The following GPM6A variants were observed in gnomAD, a reference collection of about 807,000 sequenced individuals.
GPM6A encodes the protein glycoprotein M6A.
Under a neutral mutation model 32.1 loss-of-function variants are expected in GPM6A, and 7 were observed. The ratio of observed to expected loss-of-function variants is 0.22; its 90% CI spans 0.12 to 0.41. The LOEUF is 0.41. Among genes scored for constraint, GPM6A ranks in the 10% least tolerant of loss-of-function variants. The pLI, the probability that GPM6A is intolerant of heterozygous loss-of-function variation, is 1.00. For missense variants in GPM6A, 235 were observed against 347.2 expected, an observed-to-expected ratio of 0.68 and a Z score of 2.57; for synonymous variants, 130 against 123.4, an observed-to-expected ratio of 1.05 and a Z score of -0.35.
Position 175,990,547 on chromosome 4 carries a change from G to C in GPM6A, c.-23+11762C>G, listed in dbSNP as rs79328866. ...GTCATTATGTGCAGAGCAAGGGTGG[G>C]CATGGGATAGACCCTTCAGTAGACC... On this transcript the variant is annotated intron_variant, in intron 1 of 7. Transcript: ENST00000280187. Among the ~76,000 whole-genome samples the C allele has an allele frequency of 8.3e-3, 1,266 of 152,168 alleles. 10 individuals carry two copies. Among genetic ancestry groups the C allele is most frequent in the African/African-American group, 0.029 (1,195 of 41,526 alleles).
chr4:175,968,033 A>T (rs1283175836), intron 1 of GPM6A, among the ~76,000 whole-genome samples: 2 of 152,206 alleles, frequency 1.3e-5, no homozygotes, highest in East Asian at 3.8e-4. Context: ...CCACAAAGTT[A>T]TAGCAATCAA....
At chr4:175,962,200 A>G in intron 1 of GPM6A, 1 of 1,227,888 alleles carries the variant, frequency 8.1e-7, no homozygotes, top group Non-Finnish European at 1.2e-6. Context: ...CCCCTGGAGT[A>G]TTGGAGTCAG....
intron 2 of GPM6A, among the ~76,000 whole-genome samples, chr4:175,700,385 T>G (rs1327981995): frequency 1.3e-5 from 2 of 152,178 alleles, no homozygotes; most frequent in Non-Finnish European, 2.9e-5. Flanking sequence ...TGGAGAAAAG[T>G]TGTCTTCTAC....
intron 1 of GPM6A, among the ~76,000 whole-genome samples, chr4:175,946,565 G>A (rs980675988): frequency 6.6e-6 from 1 of 152,148 alleles, no homozygotes; most frequent in Admixed American, 6.6e-5. Context: ...TTTCTAGGTG[G>A]GTCAGGGAAG....
At chr4:175,955,614 TATCCAATCTATCTCTGGTTCACCTG>T (rs1739960108) in intron 1 of GPM6A, among the ~76,000 whole-genome samples, 1 of 152,194 alleles carries the variant, frequency 6.6e-6, no homozygotes, top group Non-Finnish European at 1.5e-5. Context: ...TATTTATGAG[TATCCAATCTATCTCTGGTTCACCTG>T]ACTGTGACAT....
intron 1 of GPM6A, chr4:175,781,257 C>T (rs1451290452): frequency 1.3e-5 from 2 of 152,022 alleles, no homozygotes; most frequent in Admixed American, 6.5e-5. Context: ...TATCAGAGGC[C>T]CAAGCGGACT....
chr4:175,647,923 A>C (rs751668940), intron 4 of GPM6A, among the ~76,000 whole-genome samples: 3 of 152,160 alleles, frequency 2.0e-5, no homozygotes, highest in Non-Finnish European at 4.4e-5. Flanking sequence ...AGAACGTCTT[A>C]ATAGCTCATG....
At chr4:175,819,265 A>C (rs1735204003) in intron 1 of GPM6A, among the ~76,000 whole-genome samples, 1 of 152,186 alleles carries the variant, frequency 6.6e-6, no homozygotes, top group Non-Finnish European at 1.5e-5. Context: ...TGGTCACAAA[A>C]ATTCTACTTT....
At chr4:175,829,816 T>A (rs761300976) in intron 1 of GPM6A, among the ~76,000 whole-genome samples, 8 of 151,038 alleles carry the variant, frequency 5.3e-5, no homozygotes, top group Non-Finnish European at 1.2e-4. Flanking sequence ...ATGGAGGACA[T>A]GACATTTTGT....
At chr4:175,762,437 A>G (rs990292142) in intron 1 of GPM6A, among the ~76,000 whole-genome samples, 5 of 152,230 alleles carry the variant, frequency 3.3e-5, no homozygotes, top group Admixed American at 1.3e-4. Context: ...TACGTCAAAT[A>G]TTGAAGCCAT....
At chr4:175,657,771 T>C (rs1742171628) in intron 3 of GPM6A, among the ~76,000 whole-genome samples, 2 of 152,102 alleles carry the variant, frequency 1.3e-5, no homozygotes, top group Non-Finnish European at 2.9e-5. Flanking sequence ...CTCTAACCAC[T>C]AGATGTCAGA....
chr4:175,818,516 A>G (rs1735179574), intron 1 of GPM6A, among the ~76,000 whole-genome samples: 1 of 152,240 alleles, frequency 6.6e-6, no homozygotes, highest in Admixed American at 6.5e-5. Flanking sequence ...TATAAGCTCC[A>G]TGAGATAATG....
chr4:175,928,763 T>C (rs1175118476), intron 1 of GPM6A, among the ~76,000 whole-genome samples: 1 of 152,234 alleles, frequency 6.6e-6, no homozygotes, highest in East Asian at 1.9e-4. Flanking sequence ...TAAACAGATG[T>C]TGAATCTTTA....
rs932552840 is a variant in GPM6A, at chr4:175,891,844, T to C, written c.-22-79595A>G. 3.3e-5 allele frequency: 5 copies of C among 152,194 alleles called. No individual in the cohort carries two copies. In the East Asian group the frequency reaches 7.7e-4, roughly 23 times the overall value. 9.4% of individuals were successfully genotyped at this position (152,194 alleles called of 1,614,324 possible). ...CTTCAACTCATAATTTCAAAGCTCA[T>C]TTAGATAATTATAGTACTAAATAAA... On this transcript the variant is annotated intron_variant, in intron 1 of 7. Coordinates refer to the GPM6A transcript ENST00000280187.
chr4:175,636,986 A>G (rs987477915), intron 6 of GPM6A, among the ~76,000 whole-genome samples: 15 of 136,856 alleles, frequency 1.1e-4, no homozygotes, highest in African/African-American at 4.0e-4. Context: ...ATGTAAATAT[A>G]TATAAGATAA....
intron 1 of GPM6A, among the ~76,000 whole-genome samples, chr4:175,871,567 G>C (rs1434903962): frequency 6.6e-6 from 1 of 151,990 alleles, no homozygotes; most frequent in African/African-American, 2.4e-5. Context: ...TTTAACCCTG[G>C]TCACAATAGC....
At chr4:175,926,761 T>C (rs1480695954) in intron 1 of GPM6A, among the ~76,000 whole-genome samples, 3 of 152,164 alleles carry the variant, frequency 2.0e-5, no homozygotes, top group African/African-American at 4.8e-5. Flanking sequence ...AAAGTGATTA[T>C]TGACAATTCA....
chr4:175,826,153 C>A lies in GPM6A; in HGVS notation c.-22-13904G>T, dbSNP rs143661272. ...CCAGCCTGGGTACCAAAGGGAGACA[C>A]TGTCTCAAAACAAACAAACAAACAA... On this transcript the variant is annotated intron_variant, in intron 1 of 7. Coordinates refer to the GPM6A transcript ENST00000280187. Among the ~76,000 whole-genome samples, 304 of 151,256 alleles carry A rather than the reference C, an allele frequency of 2.0e-3. 2 individuals carry two copies. The highest frequency in any genetic ancestry group is 7.2e-3 in the African/African-American group (292 of 40,698).
At chr4:175,759,297 C>T (rs564399491) in intron 1 of GPM6A, among the ~76,000 whole-genome samples, 2 of 150,576 alleles carry the variant, frequency 1.3e-5, no homozygotes, top group Non-Finnish European at 1.5e-5. Flanking sequence ...TTGAGGAATA[C>T]GGGGGGGGCA....
Sources: allele counts gnomAD v4.1 joint callset (sites outside exome capture counted in the v4.1 genomes callset), GRCh38; gene constraint gnomAD v4.1.1; transcripts MANE v1.5; gene names NCBI Gene and HGNC (gene_info 2026-07-23, HGNC 2026-07-21).